Variants in SIPA1L1 observed in about 807,000 individuals in gnomAD.
SIPA1L1 encodes the protein signal induced proliferation associated 1 like 1, also known as signal-induced proliferation-associated 1-like protein 1.
Under a neutral mutation model 162.7 loss-of-function variants are expected in SIPA1L1, and 26 were observed. That is an observed-to-expected ratio of 0.16 (90% CI 0.12 to 0.22). SIPA1L1 has a LOEUF of 0.22. Among genes scored for constraint, SIPA1L1 ranks in the 10% least tolerant of loss-of-function variants. SIPA1L1 has a pLI of 1.00. For missense variants in SIPA1L1, 1,874 were observed against 2,241.0 expected, an observed-to-expected ratio of 0.84 and a Z score of 3.31; for synonymous variants, 829 against 837.4, an observed-to-expected ratio of 0.99 and a Z score of 0.17.
rs530111488 is a variant in SIPA1L1, at chr14:71,558,788, A to G, written c.-302-28783A>G. 3.9e-5 allele frequency among the ~76,000 whole-genome samples: 6 copies of G among 152,254 alleles called. No individual in the cohort carries two copies. The East Asian group carries it at 1.2e-3, about 29-fold the overall frequency. On this transcript the variant is annotated intron_variant, in intron 4 of 23. Transcript: ENST00000381232. ...ATACTCAAACCTCCAGGGTCAACCA[A>G]GTCTCCTACCTGAGCCTCCTAAATA...
intron 3 of SIPA1L1, among the ~76,000 whole-genome samples, chr14:71,521,755 C>T (rs1357946019): frequency 2.0e-5 from 3 of 152,120 alleles, no homozygotes; most frequent in African/African-American, 4.8e-5. Context: ...CCAAAGGAGC[C>T]GTATCAGTTA....
intron 2 of SIPA1L1, among the ~76,000 whole-genome samples, chr14:71,443,127 C>T (rs1255491144): frequency 2.0e-5 from 3 of 152,160 alleles, no homozygotes; most frequent in Admixed American, 2.0e-4. Context: ...AAACTTTGTG[C>T]TTACAGTGCC....
intron 9 of SIPA1L1, among the ~76,000 whole-genome samples, chr14:71,659,933 C>T (rs1449209922): frequency 1.3e-5 from 2 of 151,346 alleles, no homozygotes; most frequent in Non-Finnish European, 2.9e-5. Flanking sequence ...ATGTAGATTA[C>T]TTTATGCTTG....
At chr14:71,626,586 G>T (rs2040009697) in intron 7 of SIPA1L1, among the ~76,000 whole-genome samples, 2 of 152,184 alleles carry the variant, frequency 1.3e-5, no homozygotes, top group African/African-American at 4.8e-5. Flanking sequence ...ATGCTTATAA[G>T]TGCAGTGGAT....
At chr14:71,513,090 A>G (rs1467803197) in intron 3 of SIPA1L1, among the ~76,000 whole-genome samples, 1 of 152,164 alleles carries the variant, frequency 6.6e-6, no homozygotes, top group Non-Finnish European at 1.5e-5. Flanking sequence ...CACCTTGGGC[A>G]CGTATTCTCA....
intron 2 of SIPA1L1, among the ~76,000 whole-genome samples, chr14:71,404,946 A>G (rs1274001026): frequency 6.6e-6 from 1 of 152,232 alleles, no homozygotes; most frequent in Non-Finnish European, 1.5e-5. Flanking sequence ...GTAATAGTTC[A>G]TTCATTCAAC....
intron 2 of SIPA1L1, among the ~76,000 whole-genome samples, chr14:71,326,282 C>A (rs1470557871): frequency 6.6e-6 from 1 of 151,230 alleles, no homozygotes; most frequent in Admixed American, 6.6e-5. Context: ...GACCTCGGCT[C>A]ACTACAACCT....
intron 13 of SIPA1L1, among the ~76,000 whole-genome samples, chr14:71,690,797 A>G (rs1388131487): frequency 2.0e-5 from 3 of 152,210 alleles, no homozygotes. Flanking sequence ...AGCAACCTCA[A>G]CTGTCATCTG....
rs71105781 is a variant in SIPA1L1 at position 71,491,520 on chromosome 14, TTTGTTG to T, written c.-464-21205_-464-21200del. Among the ~76,000 whole-genome samples, 8 of 151,138 alleles carry T rather than the reference TTTGTTG, an allele frequency of 5.3e-5. No individual in the cohort carries two copies. In the East Asian group the frequency reaches 5.9e-4, roughly 11 times the overall value. ...AGCAGTAGTATTAGGGAGCAACCTG[TTTGTTG>T]TTGTTGTTGTTGTTGTTATTGTTGT... On this transcript the variant is annotated intron_variant, in intron 2 of 23. Transcript: ENST00000381232.
chr14:71,326,391 T>G (rs2033808251), intron 2 of SIPA1L1, among the ~76,000 whole-genome samples: 1 of 152,016 alleles, frequency 6.6e-6, no homozygotes, highest in African/African-American at 2.4e-5. Flanking sequence ...ATATTTTTAG[T>G]AGAGGCAGGG....
intron 2 of SIPA1L1, among the ~76,000 whole-genome samples, chr14:71,510,353 A>AT (rs2051038781): frequency 1.3e-5 from 2 of 151,660 alleles, no homozygotes; most frequent in South Asian, 2.1e-4. Context: ...CGCCCAGCTA[A>AT]TTTTTTGTAT....
At chr14:71,506,631 G>A (rs1019268389) in intron 2 of SIPA1L1, among the ~76,000 whole-genome samples, 1 of 150,616 alleles carries the variant, frequency 6.6e-6, no homozygotes, top group Middle Eastern at 3.5e-3. Flanking sequence ...GTGAGCCACC[G>A]TGCTGGGCCA....
chr14:71,541,453 G>A (rs1045979820), intron 4 of SIPA1L1, among the ~76,000 whole-genome samples: 3 of 152,148 alleles, frequency 2.0e-5, no homozygotes, highest in Non-Finnish European at 2.9e-5. Context: ...GCCAGTGCAT[G>A]TTTCTTTCTA....
At chr14:71,678,997 G>T (rs1434416128) in intron 12 of SIPA1L1, among the ~76,000 whole-genome samples, 1 of 152,118 alleles carries the variant, frequency 6.6e-6, no homozygotes, top group African/African-American at 2.4e-5. Context: ...ATGGAACCAA[G>T]TTGGAAAACA....
At chr14:71,348,017 G>A (rs369738781) in intron 2 of SIPA1L1, among the ~76,000 whole-genome samples, 18 of 152,092 alleles carry the variant, frequency 1.2e-4, no homozygotes, top group African/African-American at 4.3e-4. Context: ...AGAATAGGCC[G>A]AACTGCTACA....
chr14:71,449,362 GA>G (rs1170202797), intron 2 of SIPA1L1, among the ~76,000 whole-genome samples: 2 of 152,114 alleles, frequency 1.3e-5, no homozygotes, highest in African/African-American at 4.8e-5. Flanking sequence ...TTTTTTCTCT[GA>G]ACAAATGAAG....
At position 71,723,696 on chromosome 14, in the gene SIPA1L1, C is replaced by T. The variant is rs771219163; in HGVS notation, c.4258C>T (p.Arg1420Trp). ...CAGCCCAGTGGTTTTCACCAGTGCC[C>T]GGAGTTCACCTAAAGAAGAGCTTCA... is the stretch of plus-strand genomic sequence containing the variant. ...SASPVVFTSA[R>W]SSPKEELHPA... Residue 1420 changes from arginine (R) to tryptophan (W), a missense_variant, in exon 18 of 24, where the codon CGG becomes TGG. Around this residue, in one of 5 missense-constraint regions of SIPA1L1, gnomAD observed 936 missense variants for 1,051.9 expected, o/e 0.89. Transcript: ENST00000381232. 29 of 1,614,102 alleles carry T rather than the reference C, an allele frequency of 1.8e-5. No individual in the cohort carries two copies. The highest frequency in any genetic ancestry group is 8.0e-5 in the African/African-American group (6 of 74,930).
rs1002403248 is a variant in SIPA1L1, at chr14:71,591,769, G to A, written c.1498+2399G>A. Among the ~76,000 whole-genome samples, 8 of 152,214 alleles carry A rather than the reference G, an allele frequency of 5.3e-5. 1 individual carries two copies. The South Asian group carries it at 1.7e-3, about 32-fold the overall frequency. On this transcript the variant is annotated intron_variant, in intron 5 of 23. Transcript: ENST00000381232. ...ATTGTGTTAATAGGCTAAACCATAA[G>A]AATAAAAACATAGAGACTAACAACA...
chr14:71,435,062 A>C (rs1019597659), intron 2 of SIPA1L1, among the ~76,000 whole-genome samples: 2 of 152,190 alleles, frequency 1.3e-5, no homozygotes, highest in Non-Finnish European at 2.9e-5. Context: ...TATGCAGTTT[A>C]TATGGAGGCA....
Sources: allele counts gnomAD v4.1 joint callset (sites outside exome capture counted in the v4.1 genomes callset), GRCh38; gene constraint gnomAD v4.1.1; regional missense constraint gnomAD v4.1.1; transcripts MANE v1.5; gene names NCBI Gene and HGNC (gene_info 2026-07-23, HGNC 2026-07-21).